Variants in PTCD3 observed in about 807,000 individuals in gnomAD.
The protein encoded by PTCD3 is pentatricopeptide repeat domain 3, also known as small ribosomal subunit protein mS39.
PTCD3 carries 89 observed loss-of-function variants against 101.9 expected under a neutral mutation model. The ratio of observed to expected loss-of-function variants is 0.87; its 90% CI spans 0.74 to 1.04. The LOEUF (loss-of-function observed/expected upper bound fraction) is 1.04. Ranked by LOEUF, PTCD3 falls within the 50% of genes least tolerant of loss-of-function variation. PTCD3 has a pLI of 0.00. For missense variants in PTCD3, 870 were observed against 828.2 expected (o/e 1.05, Z -0.62); for synonymous variants, 296 against 278.5 (o/e 1.06, Z -0.63).
chr2:86,115,849 A>G (rs1002454311), intron 4 of PTCD3, among the ~76,000 whole-genome samples: 5 of 152,128 alleles, frequency 3.3e-5, no homozygotes, highest in African/African-American at 9.7e-5. Context: ...GCACGGTGAT[A>G]TCTTCCATTT....
chr2:86,135,230 C>CAAGT (rs1674565718), intron 21 of PTCD3: 4 of 381,690 alleles, frequency 1.0e-5, no homozygotes, highest in Admixed American at 4.1e-5. Flanking sequence ...TGTCTATGGA[C>CAAGT]AAGTAAGTCA....
At position 86,134,398 on chromosome 2, in the gene PTCD3, C is replaced by T. The variant is rs770414404; in HGVS notation, c.1629+21C>T. 5 of 1,568,314 alleles carry T rather than the reference C, an allele frequency of 3.2e-6. No homozygotes were observed. In the African/African-American group the frequency reaches 6.8e-5, roughly 21 times the overall value. On this transcript the variant is annotated intron_variant, in intron 20 of 23. Transcript: ENST00000254630. Reference sequence around the variant, plus strand: ...CAGAGGTAGGCCTGAAACTCACCAGCCAGTATATCCTCCCATACTGAGGTC... The same window carrying T: ...CAGAGGTAGGCCTGAAACTCACCAGTCAGTATATCCTCCCATACTGAGGTC...
chr2:86,125,202 A>T (rs1674361387), intron 10 of PTCD3, 120 bp downstream of exon 10: 1 of 1,454,620 alleles, frequency 6.9e-7, no homozygotes, highest in Non-Finnish European at 9.1e-7. Flanking sequence ...GCATTGTAGG[A>T]TGTTAGTAGC....
chr2:86,131,243 C>G (rs1674489338), intron 16 of PTCD3, 137 bp downstream of exon 16: 1 of 712,168 alleles, frequency 1.4e-6, no homozygotes, highest in African/African-American at 1.9e-5. Flanking sequence ...TCTCTAAAAT[C>G]TATAATTTTT....
intron 3 of PTCD3, among the ~76,000 whole-genome samples, chr2:86,109,200 T>C (rs961791925): frequency 6.6e-6 from 1 of 152,008 alleles, no homozygotes; most frequent in Admixed American, 6.5e-5. Flanking sequence ...GGTCAGGAGA[T>C]TGAGACCATC....
intron 1 of PTCD3, 33 bp from the exon 2 acceptor site, chr2:86,108,317 A>C (rs1674002623): frequency 6.3e-7 from 1 of 1,592,354 alleles, no homozygotes; most frequent in African/African-American, 1.4e-5. Flanking sequence ...TTCATTAATG[A>C]CTATTAGATT....
At chr2:86,112,426 A>T (rs1468670218) in intron 4 of PTCD3, among the ~76,000 whole-genome samples, 2 of 151,256 alleles carry the variant, frequency 1.3e-5, no homozygotes, top group Non-Finnish European at 2.9e-5. Flanking sequence ...CCCATCACTA[A>T]TCCCATCACT....
chr2:86,126,105 C>G (rs1257935359), intron 12 of PTCD3, among the ~76,000 whole-genome samples: 4 of 151,972 alleles, frequency 2.6e-5, no homozygotes, highest in Non-Finnish European at 5.9e-5. Context: ...TGGTGCACGC[C>G]TGTAATCCCA....
At chr2:86,116,957 GT>G (rs370928001) in intron 5 of PTCD3, 97 bp from the exon 6 acceptor site, 58 of 608,352 alleles carry the variant, frequency 9.5e-5, no homozygotes, top group South Asian at 3.1e-4. Flanking sequence ...TGTTGCATTT[GT>G]TTTTTTTTGT....
intron 16 of PTCD3, 142 bp from the exon 17 acceptor site, chr2:86,132,176 C>G (rs1299945059): frequency 1.8e-6 from 1 of 547,958 alleles, no homozygotes; most frequent in Admixed American, 3.5e-5. Flanking sequence ...GTCTCCCCCC[C>G]ATTTCTTATA....
At chr2:86,130,795 G>T in intron 15 of PTCD3, 58 bp downstream of exon 15, 1 of 1,597,176 alleles carries the variant, frequency 6.3e-7, no homozygotes, top group South Asian at 1.1e-5. Context: ...CGGTTTACCT[G>T]AGTACCAGTT....
At chr2:86,126,869 A>G (rs141933020) in intron 12 of PTCD3, among the ~76,000 whole-genome samples, 1 of 151,328 alleles carries the variant, frequency 6.6e-6, no homozygotes, top group East Asian at 1.9e-4. Context: ...ACTTTTTTAT[A>G]TCATACTAGT....
At position 86,138,281 on chromosome 2, in the gene PTCD3, GT is replaced by G. The variant is rs1238748537; in HGVS notation, c.*723del. The G allele has an allele frequency of 1.3e-5, 2 of 152,140 alleles. No homozygotes were observed. The highest frequency in any genetic ancestry group is 2.9e-5 in the Non-Finnish European group (2 of 68,072). 9.4% of individuals were successfully genotyped at this position (152,140 alleles called of 1,614,324 possible). ...TGAGAGCTAGTGATGACAGAAGGATGTGGAATGTCTTCTTGACATCATTGTG... is the reference window on the plus strand; with the variant it reads ...TGAGAGCTAGTGATGACAGAAGGATGGGAATGTCTTCTTGACATCATTGTG... On this transcript the variant is annotated 3_prime_UTR_variant, in exon 24 of 24. Coordinates refer to ENST00000254630, the MANE Select transcript of PTCD3 (RefSeq NM_017952.6).
chr2:86,118,945 C>T lies in PTCD3; in HGVS notation c.439C>T (p.Pro147Ser), dbSNP rs1326191995. ...IPCLMPEYFE[P>S]QIKDISEAAL... ...GTGTTTAATGCCTGAGTACTTTGAA[C>T]CTCAGATCAAAGACATAAGTGAAGC... is the stretch of plus-strand genomic sequence containing the variant. The change falls in exon 7 of 24, where the codon CCT becomes TCT. Residue 147 changes from proline to serine, a missense_variant. Transcript: ENST00000254630. The T allele has an allele frequency of 6.2e-7, 1 of 1,613,592 alleles. No homozygotes were observed. Among genetic ancestry groups the T allele is most frequent in the Non-Finnish European group, 8.5e-7 (1 of 1,179,740 alleles).
At chr2:86,123,583 G>T (rs1190021826) in intron 8 of PTCD3, 118 bp from the exon 9 acceptor site, 2 of 717,114 alleles carry the variant, frequency 2.8e-6, no homozygotes, top group Non-Finnish European at 4.5e-6. Flanking sequence ...CCTTCTGCTG[G>T]ATCTATGTTT....
At position 86,130,673 on chromosome 2, in the gene PTCD3, C is replaced by T; in HGVS notation, c.1173C>T (p.Phe391=). 6.2e-7 allele frequency: 1 copy of T among 1,613,142 alleles called. No homozygotes were observed. Among genetic ancestry groups the T allele is most frequent in the Non-Finnish European group, 8.5e-7 (1 of 1,179,570 alleles). The change falls in exon 15 of 24, where the codon TTC becomes TTT. Residue 391 remains phenylalanine (F), a synonymous_variant. Transcript: ENST00000254630. ...GAGACCCTTTAAAGAGATCATCCTT[C>T]ATCATTTATGATATAATGAATGAAT... is the stretch of plus-strand genomic sequence containing the variant. ...QPGDPLKRSS[F]IIYDIMNELM...
rs926848079 is a variant in PTCD3 at position 86,136,727 on chromosome 2, G to A, written c.1820+165G>A. On this transcript the variant is annotated intron_variant, in intron 22 of 23. Coordinates refer to ENST00000254630, the MANE Select transcript of PTCD3 (RefSeq NM_017952.6). The stretch of plus-strand genomic sequence containing the variant: ...TCCTGAGGCAAGCAGTTTTTTATCT[G>A]TGTTGACGGATCATCATACATTGGG... 3.4e-6 allele frequency: 3 copies of A among 872,654 alleles called. No individual in the cohort carries two copies. In the African/African-American group the frequency reaches 5.0e-5, roughly 15 times the overall value. The allele number at this position is 872,654 out of a possible 1,614,324, so 54.1% of individuals were successfully genotyped here.
chr2:86,106,302 C>G lies in PTCD3; in HGVS notation c.55C>G (p.Pro19Ala), dbSNP rs756035657. 6.2e-7 allele frequency: 1 copy of G among 1,613,936 alleles called. No homozygotes were observed. The highest frequency in any genetic ancestry group is 1.3e-5 in the African/African-American group (1 of 74,934). The change falls in exon 1 of 24, where the codon CCG (proline) becomes GCG (alanine). Residue 19 changes from proline to alanine, a missense_variant. By Grantham distance (27) the Pro-to-Ala change is conservative. Transcript: ENST00000254630. ...WLGLRSRLGQ[P>A]LTGRRAGLCE... ...GGGCCTCCGCAGCAGGCTTGGCCAGCCGCTGACGGGTCGGCGGGCGGGTTT... is the reference window on the plus strand; with the variant it reads ...GGGCCTCCGCAGCAGGCTTGGCCAGGCGCTGACGGGTCGGCGGGCGGGTTT...
At position 86,137,670 on chromosome 2, in the gene PTCD3, T is replaced by G. The variant is rs572387824; in HGVS notation, c.*111T>G. Reference sequence around the variant, plus strand: ...GTTACAAAGAAGAAAAGATACAGATTTGGTGAATTTGTTACTGTGAGGTAC... The same window carrying G: ...GTTACAAAGAAGAAAAGATACAGATGTGGTGAATTTGTTACTGTGAGGTAC... On this transcript the variant is annotated 3_prime_UTR_variant, in exon 24 of 24. Coordinates refer to ENST00000254630, the MANE Select transcript of PTCD3 (RefSeq NM_017952.6). 8.7e-6 allele frequency: 13 copies of G among 1,495,116 alleles called. No homozygotes were observed. The South Asian group carries it at 1.6e-4, about 18-fold the overall frequency. 92.6% of individuals were successfully genotyped at this position (1,495,116 alleles called of 1,614,324 possible).
Sources: gnomAD v4.1 joint callset for allele counts (sites outside exome capture counted in the v4.1 genomes callset) on GRCh38, gnomAD v4.1.1 for gene constraint, MANE v1.5 for transcripts, NCBI Gene and HGNC (gene_info 2026-07-23, HGNC 2026-07-21) for gene names.